FMN2: variants seen among roughly 807,000 people sequenced by gnomAD.
The protein encoded by FMN2 is formin-2.
Under a neutral mutation model 142.3 loss-of-function variants are expected in FMN2, and 51 were observed. The observed-to-expected ratio is 0.36, with a 90% CI of 0.29 to 0.45. The LOEUF is 0.45. Among genes scored for constraint, FMN2 ranks in the 20% least tolerant of loss-of-function variants. The probability of loss-of-function intolerance (pLI) is 1.00; values close to 1 mark genes in which losing one functional copy is unlikely to be tolerated. For missense variants in FMN2, 1,936 were observed against 2,122.8 expected, an observed-to-expected ratio of 0.91 and a Z score of 1.73; for synonymous variants, 882 against 869.8, an observed-to-expected ratio of 1.01 and a Z score of -0.25.
chr1:240,261,904 C>CT (rs1668647056), intron 7 of FMN2, among the ~76,000 whole-genome samples: 1 of 152,028 alleles, frequency 6.6e-6, no homozygotes, highest in Non-Finnish European at 1.5e-5. Flanking sequence ...AATTTGAAGT[C>CT]TGAGATGAAA....
In FMN2 at chr1:240,355,831, C is replaced by T; in HGVS notation, c.4781C>T (p.Ala1594Val). The T allele has an allele frequency of 3.1e-6, 5 of 1,610,946 alleles. No homozygotes were observed. The highest frequency in any genetic ancestry group is 4.2e-6 in the Non-Finnish European group (5 of 1,178,006). Residue 1594 changes from alanine (A) to valine (V), a missense_variant, in exon 14 of 18, where the codon GCA becomes GTA. Ala to Val is a moderately conservative substitution (Grantham distance 64, BLOSUM62 0). Coordinates refer to ENST00000319653, the MANE Select transcript of FMN2 (RefSeq NM_020066.5). The stretch of plus-strand genomic sequence containing the variant: ...CTAATTTCAGCCTGTGAAGTTGAAG[C>T]AGGGAAAGTATACCAGGTCTCCTCA... ...KKDLKACEVEAGKVYQVSSKE... is the reference protein window; with the variant it reads ...KKDLKACEVEVGKVYQVSSKE...
At chr1:240,431,746 T>C (rs934898071) in intron 15 of FMN2, among the ~76,000 whole-genome samples, 5 of 151,722 alleles carry the variant, frequency 3.3e-5, no homozygotes, top group Non-Finnish European at 5.9e-5. Context: ...TTCTTTATTC[T>C]ATAAATGTGG....
At chr1:240,357,536 G>T (rs1173124698) in intron 14 of FMN2, among the ~76,000 whole-genome samples, 1 of 151,982 alleles carries the variant, frequency 6.6e-6, no homozygotes, top group Non-Finnish European at 1.5e-5. Context: ...TAGTTCCCTG[G>T]TAGGAAAGAC....
intron 2 of FMN2, among the ~76,000 whole-genome samples, chr1:240,175,981 C>T (rs1205232103): frequency 1.3e-5 from 2 of 152,138 alleles, no homozygotes; most frequent in Non-Finnish European, 2.9e-5. Flanking sequence ...TTTGCAAATA[C>T]TTCCTCCCAT....
intron 15 of FMN2, among the ~76,000 whole-genome samples, chr1:240,415,098 T>A (rs77120500): frequency 3.3e-4 from 51 of 152,246 alleles, no homozygotes; most frequent in African/African-American, 1.2e-3. Flanking sequence ...GAAAACTTTT[T>A]TAAAAATATG....
chr1:240,390,292 G>A (rs552667521), intron 14 of FMN2, among the ~76,000 whole-genome samples: 2 of 152,172 alleles, frequency 1.3e-5, no homozygotes, highest in East Asian at 3.9e-4. Context: ...ATTCCAGTTT[G>A]TCTTTATGAT....
At chr1:240,372,973 T>TC (rs1303351585) in intron 14 of FMN2, among the ~76,000 whole-genome samples, 1 of 151,988 alleles carries the variant, frequency 6.6e-6, no homozygotes, top group Non-Finnish European at 1.5e-5. Flanking sequence ...AATCATGAGG[T>TC]CAGGTATACG....
intron 14 of FMN2, among the ~76,000 whole-genome samples, chr1:240,388,227 CAAAAAAAAAAAA>C (rs761610582): frequency 5.0e-4 from 3 of 6,054 alleles, no homozygotes; most frequent in East Asian, 0.016. Flanking sequence ...GTGCTCAAAG[CAAAAAAAAAAAA>C]AAAAAAAAAA....
intron 7 of FMN2, among the ~76,000 whole-genome samples, chr1:240,294,259 A>G (rs943230414): frequency 4.6e-5 from 7 of 152,178 alleles, no homozygotes; most frequent in African/African-American, 1.7e-4. Context: ...AACCATGGGT[A>G]GTATATATTT....
chr1:240,284,529 C>T (rs963483802), intron 7 of FMN2, among the ~76,000 whole-genome samples: 1 of 151,378 alleles, frequency 6.6e-6, no homozygotes, highest in Non-Finnish European at 1.5e-5. Flanking sequence ...CCCCAGCTGT[C>T]CACTCTTGGA....
At chr1:240,429,444 G>C (rs1460809735) in intron 15 of FMN2, among the ~76,000 whole-genome samples, 4 of 151,784 alleles carry the variant, frequency 2.6e-5, no homozygotes, top group African/African-American at 9.7e-5. Flanking sequence ...CTCTCTCTCT[G>C]TTTTTCTTCC....
chr1:240,369,493 A>G (rs1290602508), intron 14 of FMN2, among the ~76,000 whole-genome samples: 1 of 152,102 alleles, frequency 6.6e-6, no homozygotes, highest in Non-Finnish European at 1.5e-5. Flanking sequence ...GCCGCCTTCT[A>G]AGATTATTTT....
intron 6 of FMN2, among the ~76,000 whole-genome samples, chr1:240,253,161 G>A (rs1384303950): frequency 1.3e-5 from 2 of 151,532 alleles, no homozygotes; most frequent in African/African-American, 4.9e-5. Context: ...AGTAGAGATG[G>A]GGTTTTACCA....
chr1:240,417,287 C>G (rs1674611052), intron 15 of FMN2, among the ~76,000 whole-genome samples: 1 of 151,422 alleles, frequency 6.6e-6, no homozygotes, highest in African/African-American at 2.4e-5. Flanking sequence ...GTACGTCTTA[C>G]AGTGGATGGC....
chr1:240,357,130 A>C (rs1186061903), intron 14 of FMN2, among the ~76,000 whole-genome samples: 2 of 152,204 alleles, frequency 1.3e-5, no homozygotes, highest in African/African-American at 2.4e-5. Flanking sequence ...AATATGTAGC[A>C]CATTTTTTAA....
intron 11 of FMN2, among the ~76,000 whole-genome samples, chr1:240,332,276 C>G (rs1019110460): frequency 1.3e-5 from 2 of 149,896 alleles, no homozygotes; most frequent in African/African-American, 4.9e-5. Context: ...AAAAAAAATG[C>G]TGAAGCCGAG....
At chr1:240,212,043 A>G (rs767261599) in intron 6 of FMN2, among the ~76,000 whole-genome samples, 2 of 141,344 alleles carry the variant, frequency 1.4e-5, no homozygotes, top group Admixed American at 7.1e-5. Context: ...GAGGTCTTGG[A>G]AGCAAAGGAA....
chr1:240,143,179 C>T, intron 2 of FMN2: 1 of 1,584,598 alleles, frequency 6.3e-7, no homozygotes, highest in South Asian at 1.1e-5. Context: ...GCCAGACGGG[C>T]ATTATTGGTA....
chr1:240,336,852 T>C (rs538294996), intron 13 of FMN2, among the ~76,000 whole-genome samples: 12 of 152,258 alleles, frequency 7.9e-5, no homozygotes, highest in African/African-American at 2.9e-4. Context: ...CTCTGAGGAT[T>C]AAAAACTGAC....
Sources: allele counts gnomAD v4.1 joint callset (sites outside exome capture counted in the v4.1 genomes callset), GRCh38; gene constraint gnomAD v4.1.1; transcripts MANE v1.5; gene names NCBI Gene and HGNC (gene_info 2026-07-23, HGNC 2026-07-21).